The following NELL2 variants were observed in gnomAD, a reference collection of about 807,000 sequenced individuals.
NELL2 encodes neural EGFL like 2.
In NELL2, 41 loss-of-function variants were observed where a neutral mutation model predicts 109.6. The ratio of observed to expected loss-of-function variants is 0.37; its 90% confidence interval spans 0.29 to 0.49. The LOEUF (loss-of-function observed/expected upper bound fraction) is 0.49, where lower values mean the gene tolerates loss of function less well. Among genes scored for constraint, NELL2 ranks in the 20% least tolerant of loss-of-function variants. The pLI, the probability that NELL2 is intolerant of heterozygous loss-of-function variation, is 0.98. For missense variants in NELL2, 900 were observed against 1,008.3 expected, an observed-to-expected ratio of 0.89 and a Z score of 1.45; for synonymous variants, 355 against 344.7, an observed-to-expected ratio of 1.03 and a Z score of -0.33.
intron 9 of NELL2, among the ~76,000 whole-genome samples, chr12:44,750,625 C>A (rs1404607456): frequency 1.3e-5 from 2 of 152,056 alleles, no homozygotes; most frequent in Middle Eastern, 3.2e-3. Flanking sequence ...GAAAAGGAAT[C>A]TTTTTCATTC....
At chr12:44,568,391 G>A (rs1448766272) in intron 15 of NELL2, among the ~76,000 whole-genome samples, 1 of 152,096 alleles carries the variant, frequency 6.6e-6, no homozygotes, top group Non-Finnish European at 1.5e-5. Context: ...GATACATTCA[G>A]ACAATTTTGA....
At chr12:44,730,356 C>T (rs775629639) in intron 9 of NELL2, among the ~76,000 whole-genome samples, 14 of 152,066 alleles carry the variant, frequency 9.2e-5, no homozygotes, top group Non-Finnish European at 2.1e-4. Flanking sequence ...CAAGGACATA[C>T]AGAACATTCT....
chr12:44,668,326 C>T (rs1948010093), intron 12 of NELL2, among the ~76,000 whole-genome samples: 1 of 152,166 alleles, frequency 6.6e-6, no homozygotes, highest in South Asian at 2.1e-4. Context: ...CGATCCTGCC[C>T]TCTCCAGCAG....
intron 1 of NELL2, among the ~76,000 whole-genome samples, chr12:44,910,844 T>G (rs1186373544): frequency 6.6e-6 from 1 of 151,850 alleles, no homozygotes; most frequent in African/African-American, 2.4e-5. Context: ...CCTTTTTTCT[T>G]TAAAAAAGTG....
chr12:44,607,868 T>C (rs928163020), intron 14 of NELL2, among the ~76,000 whole-genome samples: 2 of 152,152 alleles, frequency 1.3e-5, no homozygotes, highest in Admixed American at 1.3e-4. Flanking sequence ...CAAGACACTA[T>C]ATAACCTGTT....
chr12:44,541,178 G>A (rs1352638498), intron 15 of NELL2, among the ~76,000 whole-genome samples: 1 of 147,500 alleles, frequency 6.8e-6, no homozygotes, highest in African/African-American at 2.5e-5. Context: ...GTGAACCCAG[G>A]AGGCAGAGCT....
intron 15 of NELL2, among the ~76,000 whole-genome samples, chr12:44,592,432 T>C (rs1944787617): frequency 6.6e-6 from 1 of 152,108 alleles, no homozygotes; most frequent in Non-Finnish European, 1.5e-5. Flanking sequence ...GTAGAGAAAG[T>C]GATGCTTTGT....
intron 15 of NELL2, among the ~76,000 whole-genome samples, chr12:44,586,414 A>T (rs1398487867): frequency 6.6e-6 from 1 of 151,604 alleles, no homozygotes; most frequent in Non-Finnish European, 1.5e-5. Flanking sequence ...TTTCTTTAAA[A>T]TTCTTAAAAA....
At chr12:44,904,377 A>G (rs1165176127) in intron 1 of NELL2, among the ~76,000 whole-genome samples, 1 of 152,158 alleles carries the variant, frequency 6.6e-6, no homozygotes, top group Non-Finnish European at 1.5e-5. Flanking sequence ...CTTATAGCTA[A>G]AGGAATATGT....
intron 9 of NELL2, among the ~76,000 whole-genome samples, chr12:44,771,939 AATCTTG>A (rs1201937539): frequency 6.6e-6 from 1 of 152,224 alleles, no homozygotes; most frequent in East Asian, 1.9e-4. Flanking sequence ...CGTTCATTTC[AATCTTG>A]GCAGAGTCAC....
At chr12:44,670,773 A>C (rs1948112720) in intron 12 of NELL2, among the ~76,000 whole-genome samples, 2 of 151,970 alleles carry the variant, frequency 1.3e-5, no homozygotes, top group African/African-American at 4.8e-5. Context: ...TTGTATACGC[A>C]CCTAACACAA....
intron 16 of NELL2, among the ~76,000 whole-genome samples, chr12:44,527,022 T>C (rs1023927724): frequency 3.3e-5 from 5 of 152,202 alleles, no homozygotes; most frequent in Non-Finnish European, 5.9e-5. Flanking sequence ...TTGGCAATAA[T>C]CTCATCATAC....
intron 10 of NELL2, among the ~76,000 whole-genome samples, chr12:44,714,440 A>G (rs1938376555): frequency 6.6e-6 from 1 of 152,042 alleles, no homozygotes; most frequent in Admixed American, 6.6e-5. Flanking sequence ...ACAAAATAGC[A>G]TTTTCATTTC....
chr12:44,585,399 C>T (rs1351410765), intron 15 of NELL2, among the ~76,000 whole-genome samples: 5 of 152,004 alleles, frequency 3.3e-5, no homozygotes, highest in African/African-American at 7.3e-5. Flanking sequence ...GTCAGGAGTT[C>T]GAGACCACCC....
At chr12:44,644,608 G>GTGTGTATATATA (rs1461808442) in intron 13 of NELL2, among the ~76,000 whole-genome samples, 15 of 90,832 alleles carry the variant, frequency 1.7e-4, no homozygotes, top group African/African-American at 6.4e-4. Flanking sequence ...ATATATGTAT[G>GTGTGTATATATA]TATATATATA....
intron 1 of NELL2, among the ~76,000 whole-genome samples, chr12:44,920,041 AG>A (rs1344539566): frequency 1.3e-5 from 2 of 152,210 alleles, no homozygotes; most frequent in African/African-American, 4.8e-5. Context: ...ACGAATTTTA[AG>A]GTTAGAAACT....
intron 2 of NELL2, among the ~76,000 whole-genome samples, chr12:44,845,332 G>T (rs538184342): frequency 7.2e-5 from 11 of 152,332 alleles, no homozygotes; most frequent in African/African-American, 2.6e-4. Context: ...CCAAGCACAT[G>T]GAAGGGGACA....
intron 14 of NELL2, among the ~76,000 whole-genome samples, chr12:44,610,150 A>G (rs1333349411): frequency 6.6e-6 from 1 of 151,954 alleles, no homozygotes; most frequent in East Asian, 1.9e-4. Flanking sequence ...GCATTAACAA[A>G]GAAGCTAAAA....
chr12:44,664,677 T>G (rs536629627), intron 13 of NELL2, among the ~76,000 whole-genome samples: 1 of 152,254 alleles, frequency 6.6e-6, no homozygotes, highest in South Asian at 2.1e-4. Context: ...ATAACATTTT[T>G]GGGTGCTCTC....
Sources: allele counts gnomAD v4.1 joint callset (sites outside exome capture counted in the v4.1 genomes callset), GRCh38; gene constraint gnomAD v4.1.1; transcripts MANE v1.5; gene names NCBI Gene and HGNC (gene_info 2026-07-23, HGNC 2026-07-21).